Variants in CNTNAP3 observed in about 807,000 individuals in gnomAD.
CNTNAP3 encodes the protein contactin associated protein family member 3, also known as contactin-associated protein-like 3.
Under a neutral mutation model 92.1 loss-of-function variants are expected in CNTNAP3, and 36 were observed. That is an observed-to-expected ratio of 0.39 (90% CI 0.30 to 0.52). The LOEUF (loss-of-function observed/expected upper bound fraction) is 0.52. Among genes scored for constraint, CNTNAP3 ranks in the 20% least tolerant of loss-of-function variants. The pLI is 0.76. For synonymous variants in CNTNAP3, 232 were observed against 422.3 expected, an observed-to-expected ratio of 0.55 and a Z score of 5.53; for missense variants, 534 against 1,069.6, an observed-to-expected ratio of 0.50 and a Z score of 6.98.
intron 18 of CNTNAP3, among the ~76,000 whole-genome samples, chr9:39,091,216 A>G (rs1459949768): frequency 6.6e-6 from 1 of 150,830 alleles, no homozygotes; most frequent in Non-Finnish European, 1.5e-5. Context: ...TCTGGCCTGA[A>G]CCTCTAGTAC....
In CNTNAP3 at chr9:39,068,565, T is replaced by C. The variant is rs1312191432; in HGVS notation, c.*5325A>G. ...GCTGTAATTCTTTTGAGTGTTTCTT[T>C]CCCTTGCCTCAGGTAGTTTCATGCA... On this transcript the variant is annotated 3_prime_UTR_variant, in exon 24 of 24. Transcript: ENST00000297668. Among the ~76,000 whole-genome samples, 1 of 152,312 alleles carries C rather than the reference T, an allele frequency of 6.6e-6. No homozygotes were observed. Among genetic ancestry groups the C allele is most frequent in the Non-Finnish European group, 1.5e-5 (1 of 68,058 alleles).
chr9:39,141,440 A>G (rs377476999), intron 11 of CNTNAP3, among the ~76,000 whole-genome samples: 2 of 152,300 alleles, frequency 1.3e-5, no homozygotes, highest in East Asian at 3.9e-4. Context: ...AAGCTGATTT[A>G]AAAAAGAAAC....
At chr9:39,142,716 G>C (rs979483925) in intron 11 of CNTNAP3, among the ~76,000 whole-genome samples, 1 of 151,696 alleles carries the variant, frequency 6.6e-6, no homozygotes, top group African/African-American at 2.4e-5. Flanking sequence ...TATAAACAGG[G>C]ACCCTTCTAG....
intron 12 of CNTNAP3, among the ~76,000 whole-genome samples, chr9:39,137,683 T>G (rs1234888392): frequency 6.6e-6 from 1 of 151,160 alleles, no homozygotes; most frequent in Non-Finnish European, 1.5e-5. Context: ...CAGCTAATTT[T>G]TTTTGTATTT....
Position 39,071,709 on chromosome 9 carries a change from G to T in CNTNAP3, c.*2181C>A, listed in dbSNP as rs183574418. On this transcript the variant is annotated 3_prime_UTR_variant, in exon 24 of 24. Transcript: ENST00000297668. ...TTGACTGTTAGATGGTTGCTCTTTG[G>T]CAGAAGTTTAAATATATATATTCAT... Among the ~76,000 whole-genome samples the T allele has an allele frequency of 5.2e-3, 779 of 148,656 alleles. 1 individual carries two copies. The highest frequency in any genetic ancestry group is 0.018 in the African/African-American group (716 of 40,070).
In CNTNAP3 at chr9:39,159,655, G is replaced by T. The variant is rs1184670405; in HGVS notation, c.1477+6278C>A. ...AGATAGATAGATAGATAGATAGATA[G>T]ATAGATAGATAGATAGATATATGTA... is the stretch of plus-strand genomic sequence containing the variant. On this transcript the variant is annotated intron_variant, in intron 9 of 23. Transcript: ENST00000297668. 4.0e-3 allele frequency: 559 copies of T among 139,572 alleles called. 13 individuals carry two copies. Among genetic ancestry groups the T allele is most frequent in the African/African-American group, 0.016 (536 of 34,044 alleles). The allele number at this position is 139,572 out of a possible 1,614,324, so 8.6% of individuals were successfully genotyped here. A position where few individuals can be genotyped will look rare whatever the true frequency, so the allele number is the denominator to read the frequency against.
rs748176110 is a variant in CNTNAP3 at position 39,113,991 on chromosome 9, TACAC to T, written c.2237+4108_2237+4111del. 2.4e-3 allele frequency among the ~76,000 whole-genome samples: 357 copies of T among 146,972 alleles called. 1 individual carries two copies. The highest frequency in any genetic ancestry group is 0.014 in the Middle Eastern group (4 of 280). ...CTATATATACACACACACATATATATACACACACACATATATATACACACATATA... is the reference window on the plus strand; with the variant it reads ...CTATATATACACACACACATATATATACACACATATATATACACACATATA... On this transcript the variant is annotated intron_variant, in intron 14 of 23. Transcript: ENST00000297668.
At chr9:39,079,726 G>A (rs1458094164) in intron 21 of CNTNAP3, among the ~76,000 whole-genome samples, 1 of 117,052 alleles carries the variant, frequency 8.5e-6, no homozygotes, top group Non-Finnish European at 1.7e-5. Flanking sequence ...CTTATTTCCT[G>A]CTTTCCCTTT....
At chr9:39,134,929 G>A (rs537474902) in intron 12 of CNTNAP3, among the ~76,000 whole-genome samples, 2 of 152,350 alleles carry the variant, frequency 1.3e-5, no homozygotes, top group South Asian at 4.1e-4. Flanking sequence ...GTCCAGAGTA[G>A]TTCACATAGG....
chr9:39,105,866 T>A (rs1826591370), intron 15 of CNTNAP3, among the ~76,000 whole-genome samples: 1 of 124,240 alleles, frequency 8.0e-6, no homozygotes, highest in Admixed American at 7.6e-5. Flanking sequence ...TCTCTCTCTC[T>A]CTCACACACA....
At position 39,096,915 on chromosome 9, in the gene CNTNAP3, T is replaced by G. The variant is rs75386827; in HGVS notation, c.2995+2996A>C. 1.3e-3 allele frequency among the ~76,000 whole-genome samples: 189 copies of G among 149,914 alleles called. 3 individuals are homozygous for G. In the East Asian group the frequency reaches 0.031, roughly 25 times the overall value. On this transcript the variant is annotated intron_variant, in intron 18 of 23. Transcript: ENST00000297668. ...TTTCTGTATCTTAGATTAATGATTTTTATTAATTTGGGGGTGTTTTCAACC... is the reference window on the plus strand; with the variant it reads ...TTTCTGTATCTTAGATTAATGATTTGTATTAATTTGGGGGTGTTTTCAACC...
chr9:39,128,441 A>G (rs1373145612), intron 13 of CNTNAP3, among the ~76,000 whole-genome samples: 4 of 151,970 alleles, frequency 2.6e-5, no homozygotes, highest in Non-Finnish European at 5.9e-5. Flanking sequence ...CTGATTCAAC[A>G]TATCAACAGA....
At chr9:39,109,855 C>A (rs1409089090) in intron 14 of CNTNAP3, among the ~76,000 whole-genome samples, 1 of 152,000 alleles carries the variant, frequency 6.6e-6, no homozygotes, top group Non-Finnish European at 1.5e-5. Flanking sequence ...AGAATAATAT[C>A]TAAGTGATTA....
At chr9:39,076,748 C>A (rs973364571) in intron 23 of CNTNAP3, among the ~76,000 whole-genome samples, 1 of 152,420 alleles carries the variant, frequency 6.6e-6, no homozygotes, top group Non-Finnish European at 1.5e-5. Flanking sequence ...GTAGGTGGAT[C>A]ATGAGGTCAG....
chr9:39,067,732 T>A lies in CNTNAP3; in HGVS notation c.*6158A>T, dbSNP rs1825540666. Among the ~76,000 whole-genome samples, 1 of 152,312 alleles carries A rather than the reference T, an allele frequency of 6.6e-6. No individual in the cohort carries two copies. Among genetic ancestry groups the A allele is most frequent in the East Asian group, 1.9e-4 (1 of 5,208 alleles). ...AGTTTTATGTTACTGGAAATACATG[T>A]GAACTTTGCTCAGAGATGCCAATTA... On this transcript the variant is annotated 3_prime_UTR_variant, in exon 24 of 24. Transcript: ENST00000297668.
chr9:39,159,111 T>C (rs1339638713), intron 9 of CNTNAP3: 1 of 148,990 alleles, frequency 6.7e-6, no homozygotes, highest in Non-Finnish European at 1.5e-5. Flanking sequence ...CTGTTTCAAA[T>C]GGGTTATGGG....
chr9:39,114,289 G>A (rs1174807145), intron 14 of CNTNAP3, among the ~76,000 whole-genome samples: 4 of 151,788 alleles, frequency 2.6e-5, no homozygotes, highest in Admixed American at 1.3e-4. Context: ...TTTCACCTGT[G>A]TTAGCCAGGA....
chr9:39,109,332 T>A lies in CNTNAP3; in HGVS notation c.2238-45A>T, dbSNP rs771151384. 4 of 1,605,646 alleles carry A rather than the reference T, an allele frequency of 2.5e-6. No individual in the cohort carries two copies. In the Admixed American group the frequency reaches 6.7e-5, roughly 27 times the overall value. On this transcript the variant is annotated intron_variant, in intron 14 of 23. Transcript: ENST00000297668. ...ACCATTAAAATTATTCTGATTAACA[T>A]ACGGGCAAAATTAACTCTGATCTCT...
Position 39,067,554 on chromosome 9 carries a change from C to A in CNTNAP3, c.*6336G>T. Among the ~76,000 whole-genome samples the A allele has an allele frequency of 6.6e-6, 1 of 152,232 alleles. No individual in the cohort carries two copies. The highest frequency in any genetic ancestry group is 1.9e-4 in the East Asian group (1 of 5,194). On this transcript the variant is annotated 3_prime_UTR_variant, in exon 24 of 24. Transcript: ENST00000297668. ...CTGGGACTTCAGGCGCCCAACACCA[C>A]GCCCGGCTAATTTTTGTATGTTTAG...
Sources: gnomAD v4.1 joint callset for allele counts (sites outside exome capture counted in the v4.1 genomes callset) on GRCh38, gnomAD v4.1.1 for gene constraint, MANE v1.5 for transcripts, NCBI Gene and HGNC (gene_info 2026-07-23, HGNC 2026-07-21) for gene names.